The following FOXN3 variants were observed in gnomAD, a reference collection of about 807,000 sequenced individuals.
FOXN3 encodes the protein forkhead box N3, also known as forkhead box protein N3.
FOXN3 carries 7 observed loss-of-function variants against 38.4 expected under a neutral mutation model. That is an observed-to-expected ratio of 0.18 (90% CI 0.10 to 0.34). FOXN3 has a LOEUF of 0.34. FOXN3 is among the 10% of genes least tolerant of loss of function. The pLI, the probability that FOXN3 is intolerant of heterozygous loss-of-function variation, is 1.00. For missense variants in FOXN3, 456 were observed against 613.4 expected (o/e 0.74, Z 2.71); for synonymous variants, 230 against 242.2 (o/e 0.95, Z 0.47).
At chr14:89,413,017 C>T (rs145783094) in intron 1 of FOXN3, among the ~76,000 whole-genome samples, 25 of 152,222 alleles carry the variant, frequency 1.6e-4, no homozygotes, top group African/African-American at 5.8e-4. Context: ...CAATTCAATT[C>T]AACAAAACAT....
At chr14:89,278,007 C>T (rs966263715) in intron 4 of FOXN3, among the ~76,000 whole-genome samples, 1 of 152,040 alleles carries the variant, frequency 6.6e-6, no homozygotes, top group Admixed American at 6.6e-5. Context: ...AAATGACAGC[C>T]CCTCTGCTCC....
chr14:89,527,418 C>T (rs976037863), intron 1 of FOXN3, among the ~76,000 whole-genome samples: 1 of 152,136 alleles, frequency 6.6e-6, no homozygotes, highest in Admixed American at 6.6e-5. Flanking sequence ...CTTTGAAAGA[C>T]ATTTAAGAGA....
intron 1 of FOXN3, among the ~76,000 whole-genome samples, chr14:89,553,457 A>C (rs1004926949): frequency 6.6e-6 from 1 of 152,064 alleles, no homozygotes; most frequent in Admixed American, 6.6e-5. Flanking sequence ...AGTGAAAAAA[A>C]AAAAAAGGGT....
At chr14:89,230,748 A>G in intron 4 of FOXN3, 1 of 384,368 alleles carries the variant, frequency 2.6e-6, no homozygotes, top group East Asian at 7.4e-5. Flanking sequence ...CACACTCTTT[A>G]TTAAATAAAT....
chr14:89,474,488 G>T (rs915006737), intron 1 of FOXN3, among the ~76,000 whole-genome samples: 10 of 152,108 alleles, frequency 6.6e-5, no homozygotes, highest in Non-Finnish European at 1.2e-4. Flanking sequence ...ATTAATGAAA[G>T]AACTGTACAA....
At chr14:89,167,723 A>T (rs1475847577) in intron 5 of FOXN3, among the ~76,000 whole-genome samples, 1 of 152,250 alleles carries the variant, frequency 6.6e-6, no homozygotes, top group African/African-American at 2.4e-5. Flanking sequence ...CTAGAAAATA[A>T]GGGATATTCA....
At chr14:89,384,352 A>G (rs1433654485) in intron 2 of FOXN3, among the ~76,000 whole-genome samples, 1 of 152,230 alleles carries the variant, frequency 6.6e-6, no homozygotes, top group Non-Finnish European at 1.5e-5. Context: ...TGCTGAAGTG[A>G]TAGTTCTACT....
At chr14:89,543,648 G>A (rs1453113215) in intron 1 of FOXN3, among the ~76,000 whole-genome samples, 3 of 152,148 alleles carry the variant, frequency 2.0e-5, no homozygotes, top group South Asian at 2.1e-4. Flanking sequence ...CAGGCAGCCC[G>A]GACTACACAA....
chr14:89,319,520 C>A (rs1887840037), intron 3 of FOXN3, among the ~76,000 whole-genome samples: 1 of 152,076 alleles, frequency 6.6e-6, no homozygotes, highest in Non-Finnish European at 1.5e-5. Context: ...ATGCCTAGAG[C>A]ACACCAAAAT....
intron 4 of FOXN3, among the ~76,000 whole-genome samples, chr14:89,208,989 G>T (rs183362116): frequency 6.6e-6 from 1 of 152,050 alleles, no homozygotes; most frequent in Non-Finnish European, 1.5e-5. Context: ...CCTCTCAAAG[G>T]CCTCATTTCC....
At chr14:89,250,704 C>G (rs577618833) in intron 4 of FOXN3, among the ~76,000 whole-genome samples, 56 of 152,324 alleles carry the variant, frequency 3.7e-4, no homozygotes, top group African/African-American at 1.3e-3. Flanking sequence ...TGTCCCCACA[C>G]AAATCTCGAA....
intron 1 of FOXN3, among the ~76,000 whole-genome samples, chr14:89,508,308 G>A (rs1405405558): frequency 1.3e-5 from 2 of 152,162 alleles, no homozygotes; most frequent in Non-Finnish European, 2.9e-5. Flanking sequence ...GGCATTATGT[G>A]CACACAGAGA....
intron 4 of FOXN3, among the ~76,000 whole-genome samples, chr14:89,269,511 G>A (rs1886084903): frequency 6.7e-6 from 1 of 149,760 alleles, no homozygotes; most frequent in South Asian, 2.1e-4. Flanking sequence ...TTTCCATGAA[G>A]CTGAGGCCTT....
intron 4 of FOXN3, among the ~76,000 whole-genome samples, chr14:89,183,474 A>C (rs916719658): frequency 6.6e-6 from 1 of 152,158 alleles, no homozygotes; most frequent in Non-Finnish European, 1.5e-5. Context: ...ATAGAGCGAG[A>C]GAGAGAGAAT....
rs1208660974 is a variant in FOXN3, at chr14:89,360,382, G to C, written c.544-9574C>G. On this transcript the variant is annotated intron_variant, in intron 2 of 5. Transcript: ENST00000557258. ...GGAGGGAGGGAGGGAGAAAGGGAAA[G>C]GGAGGGAGGGAGGCAGGAAGACAGG... Among the ~76,000 whole-genome samples, 3 of 151,076 alleles carry C rather than the reference G, an allele frequency of 2.0e-5. No homozygotes were observed. The East Asian group carries it at 5.8e-4, about 29-fold the overall frequency.
intron 1 of FOXN3, among the ~76,000 whole-genome samples, chr14:89,599,768 A>G (rs1230438849): frequency 6.6e-6 from 1 of 152,038 alleles, no homozygotes; most frequent in Non-Finnish European, 1.5e-5. Context: ...TGGCTTCACT[A>G]CCTATGTTTT....
At chr14:89,543,049 CTT>C (rs35246393) in intron 1 of FOXN3, among the ~76,000 whole-genome samples, 95,105 of 151,852 alleles carry the variant, frequency 0.63, 30,075 homozygotes, top group Non-Finnish European at 0.65. Context: ...AAAAGACACT[CTT>C]TGACTGAAGT....
At chr14:89,273,156 TC>T (rs1350166382) in intron 4 of FOXN3, among the ~76,000 whole-genome samples, 1 of 152,212 alleles carries the variant, frequency 6.6e-6, no homozygotes, top group Non-Finnish European at 1.5e-5. Context: ...TCTTTTCCAT[TC>T]TATAACCTCC....
chr14:89,335,103 A>G (rs1888408682), intron 3 of FOXN3, among the ~76,000 whole-genome samples: 1 of 151,658 alleles, frequency 6.6e-6, no homozygotes, highest in Admixed American at 6.6e-5. Context: ...ACACACACAC[A>G]CACACACACA....
Sources: allele counts gnomAD v4.1 joint callset (sites outside exome capture counted in the v4.1 genomes callset), GRCh38; gene constraint gnomAD v4.1.1; transcripts MANE v1.5; gene names NCBI Gene and HGNC (gene_info 2026-07-23, HGNC 2026-07-21).